The following YWHAQ variants were observed in gnomAD, a reference collection of about 807,000 sequenced individuals.
YWHAQ encodes tyrosine 3-monooxygenase/tryptophan 5-monooxygenase activation protein theta, also known as 14-3-3 protein theta.
A neutral mutation model predicts 28.3 loss-of-function variants in YWHAQ; 6 were observed. The ratio of observed to expected loss-of-function variants is 0.21; its 90% CI spans 0.12 to 0.42. YWHAQ has a LOEUF of 0.42. Among genes scored for constraint, YWHAQ ranks in the 10% least tolerant of loss-of-function variants. The pLI, the probability that YWHAQ is intolerant of heterozygous loss-of-function variation, is 1.00. For synonymous variants in YWHAQ, 143 were observed against 119.1 expected (o/e 1.20, Z -1.31); for missense variants, 201 against 305.6 (o/e 0.66, Z 2.55).
At position 9,584,421 on chromosome 2, in the gene YWHAQ, T is replaced by G. The variant is rs1380795384; in HGVS notation, c.*865A>C. 6.6e-6 allele frequency: 1 copy of G among 152,662 alleles called. No individual in the cohort carries two copies. The highest frequency in any genetic ancestry group is 1.5e-5 in the Non-Finnish European group (1 of 68,048). 9.5% of individuals were successfully genotyped at this position (152,662 alleles called of 1,614,324 possible). ...CAATCACTAGACAAACTGGACACCC[T>G]CTCACATGTGCACAAATCTGCATGG... On this transcript the variant is annotated 3_prime_UTR_variant, in exon 6 of 6. Coordinates refer to ENST00000238081, the MANE Select transcript of YWHAQ (RefSeq NM_006826.4).
chr2:9,595,296 G>A (rs1666547090), intron 2 of YWHAQ, among the ~76,000 whole-genome samples: 1 of 152,094 alleles, frequency 6.6e-6, no homozygotes, highest in Non-Finnish European at 1.5e-5. Context: ...TATTATTAAT[G>A]CCAGATAGAA....
chr2:9,627,491 C>CAG (rs1268099353), intron 2 of YWHAQ, among the ~76,000 whole-genome samples: 2 of 152,142 alleles, frequency 1.3e-5, no homozygotes, highest in Non-Finnish European at 2.9e-5. Flanking sequence ...CCTTATCTGT[C>CAG]AGTTCAGATC....
chr2:9,611,897 G>A (rs1267067992), intron 2 of YWHAQ, among the ~76,000 whole-genome samples: 1 of 152,152 alleles, frequency 6.6e-6, no homozygotes, highest in African/African-American at 2.4e-5. Context: ...TCAAACTCCT[G>A]GGCTCATGTG....
intron 2 of YWHAQ, among the ~76,000 whole-genome samples, chr2:9,613,225 G>A (rs1365511648): frequency 6.6e-6 from 1 of 151,932 alleles, no homozygotes. Flanking sequence ...GGATGAAAAA[G>A]GATTAACATC....
At position 9,626,998 on chromosome 2, in the gene YWHAQ, C is replaced by T. The variant is rs552922151; in HGVS notation, c.294+3161G>A. Among the ~76,000 whole-genome samples the T allele has an allele frequency of 3.7e-4, 57 of 152,338 alleles. No homozygotes were observed. In the South Asian group the frequency reaches 0.012, roughly 31 times the overall value. On this transcript the variant is annotated intron_variant, in intron 2 of 5. Transcript: ENST00000238081. ...CTTAGAAAGTTAAGCCCAAAGTCTT[C>T]GGTTTTACAATGACACTGAGAGACA... is the stretch of plus-strand genomic sequence containing the variant.
chr2:9,600,061 C>T (rs1666656989), intron 2 of YWHAQ, among the ~76,000 whole-genome samples: 1 of 152,168 alleles, frequency 6.6e-6, no homozygotes, highest in African/African-American at 2.4e-5. Context: ...ACTTTGAGGA[C>T]TTTTAAGATT....
In YWHAQ at chr2:9,607,203, TTTTC is replaced by T. The variant is rs1248961111; in HGVS notation, c.295-15692_295-15689del. On this transcript the variant is annotated intron_variant, in intron 2 of 5. Coordinates refer to ENST00000238081, the MANE Select transcript of YWHAQ (RefSeq NM_006826.4). Reference sequence around the variant, plus strand: ...CCTAATATTTTTCTATTACTTTTTTTTTTCTTTTTTTTTTTGAGACAGGGTTTTG... The same window carrying T: ...CCTAATATTTTTCTATTACTTTTTTTTTTTTTTTTTTGAGACAGGGTTTTG... Among the ~76,000 whole-genome samples the T allele has an allele frequency of 2.1e-5, 3 of 141,274 alleles. No homozygotes were observed. In the East Asian group the frequency reaches 6.0e-4, roughly 28 times the overall value. 92.7% of individuals were successfully genotyped at this position (141,274 alleles called of 152,430 possible).
chr2:9,605,654 G>A (rs945971366), intron 2 of YWHAQ, among the ~76,000 whole-genome samples: 4 of 150,934 alleles, frequency 2.7e-5, no homozygotes, highest in Non-Finnish European at 4.4e-5. Flanking sequence ...TCTGCTTCCC[G>A]GGTTCAGGCA....
intron 2 of YWHAQ, among the ~76,000 whole-genome samples, chr2:9,609,228 T>A (rs1666896508): frequency 6.6e-6 from 1 of 151,884 alleles, no homozygotes; most frequent in African/African-American, 2.4e-5. Flanking sequence ...CCAGGAGAAA[T>A]GAACCATATA....
chr2:9,611,989 C>T (rs1260817960), intron 2 of YWHAQ, among the ~76,000 whole-genome samples: 8 of 152,192 alleles, frequency 5.3e-5, no homozygotes, highest in Admixed American at 3.9e-4. Context: ...ACTTACATTA[C>T]TTATTTCTAC....
chr2:9,619,114 C>T (rs796988281), intron 2 of YWHAQ, among the ~76,000 whole-genome samples: 10 of 152,212 alleles, frequency 6.6e-5, no homozygotes, highest in African/African-American at 2.4e-4. Context: ...CTGATATAAA[C>T]TTAAAAGAAA....
intron 2 of YWHAQ, among the ~76,000 whole-genome samples, chr2:9,629,790 C>T (rs771264984): frequency 6.6e-6 from 1 of 152,230 alleles, no homozygotes; most frequent in Non-Finnish European, 1.5e-5. Context: ...CTTCTTTCAA[C>T]TGCCTGAAGC....
At chr2:9,599,203 C>T (rs1232075088) in intron 2 of YWHAQ, among the ~76,000 whole-genome samples, 4 of 152,108 alleles carry the variant, frequency 2.6e-5, no homozygotes, top group Non-Finnish European at 5.9e-5. Flanking sequence ...AAGGAAGCTG[C>T]ATAAGAAAAA....
chr2:9,604,610 C>T (rs141926591), intron 2 of YWHAQ, among the ~76,000 whole-genome samples: 8 of 152,242 alleles, frequency 5.3e-5, no homozygotes, highest in African/African-American at 1.2e-4. Context: ...CAACCACAAC[C>T]AAACATGGAT....
intron 2 of YWHAQ, among the ~76,000 whole-genome samples, chr2:9,617,450 T>C (rs929975851): frequency 6.6e-6 from 1 of 152,152 alleles, no homozygotes; most frequent in Non-Finnish European, 1.5e-5. Flanking sequence ...AGAATGGTGG[T>C]TGCCAGCGGG....
chr2:9,626,692 A>G (rs954669641), intron 2 of YWHAQ, among the ~76,000 whole-genome samples: 5 of 152,294 alleles, frequency 3.3e-5, no homozygotes, highest in South Asian at 2.1e-4. Context: ...TGGCCTCCCA[A>G]TGTGCTGGGA....
chr2:9,597,634 CA>C (rs562319001), intron 2 of YWHAQ, among the ~76,000 whole-genome samples: 18,444 of 75,200 alleles, frequency 0.25, 631 homozygotes, highest in Middle Eastern at 0.29. Context: ...AACTCCGTCT[CA>C]AAAAAAAAAA....
intron 2 of YWHAQ, among the ~76,000 whole-genome samples, chr2:9,605,140 CT>C (rs35332379): frequency 1.3e-3 from 181 of 138,370 alleles, no homozygotes; most frequent in East Asian, 3.9e-3. Flanking sequence ...TCTGTTCTCT[CT>C]TTTTTTTTTT....
intron 2 of YWHAQ, among the ~76,000 whole-genome samples, chr2:9,609,087 T>C (rs977081350): frequency 7.9e-5 from 12 of 152,176 alleles, no homozygotes; most frequent in African/African-American, 2.9e-4. Context: ...ATGCTGAAAA[T>C]AATTAAATAA....
Sources: gnomAD v4.1 joint callset for allele counts (sites outside exome capture counted in the v4.1 genomes callset) on GRCh38, gnomAD v4.1.1 for gene constraint, MANE v1.5 for transcripts, NCBI Gene and HGNC (gene_info 2026-07-23, HGNC 2026-07-21) for gene names.